Variants in ZNF536 observed in about 807,000 individuals in gnomAD.
ZNF536 encodes the protein zinc finger protein 536.
ZNF536 carries 13 observed loss-of-function variants against 84.5 expected under a neutral mutation model. The observed-to-expected ratio is 0.15, with a 90% CI of 0.10 to 0.24. ZNF536 has a LOEUF of 0.24. ZNF536 is among the 10% of genes least tolerant of loss of function. The probability of loss-of-function intolerance (pLI) is 1.00; values close to 1 mark genes in which losing one functional copy is unlikely to be tolerated. For synonymous variants in ZNF536, 811 were observed against 742.5 expected, an observed-to-expected ratio of 1.09 and a Z score of -1.50; for missense variants, 1,536 against 1,747.5, an observed-to-expected ratio of 0.88 and a Z score of 2.16.
chr19:30,340,893 T>C (rs1427255493), intron 2 of ZNF536, among the ~76,000 whole-genome samples: 1 of 152,120 alleles, frequency 6.6e-6, no homozygotes, highest in African/African-American at 2.4e-5. Context: ...ACAGGCATCG[T>C]GTGTGTGTTT....
chr19:30,232,175 G>A (rs1255670871), intron 1 of ZNF536, among the ~76,000 whole-genome samples: 1 of 152,164 alleles, frequency 6.6e-6, no homozygotes, highest in Non-Finnish European at 1.5e-5. Flanking sequence ...CCGGCCAGTT[G>A]ATGCCATCAA....
chr19:30,298,204 C>T (rs1389832637), intron 2 of ZNF536, among the ~76,000 whole-genome samples: 3 of 152,096 alleles, frequency 2.0e-5, no homozygotes, highest in Non-Finnish European at 4.4e-5. Context: ...GGAATCCCAC[C>T]GGGTCCTCTA....
rs547419662 is a variant in ZNF536 at position 30,564,011 on chromosome 19, G to A, written c.169+14497G>A. Among the ~76,000 whole-genome samples the A allele has an allele frequency of 2.0e-5, 3 of 152,304 alleles. No homozygotes were observed. The East Asian group carries it at 5.8e-4, about 29-fold the overall frequency. On this transcript the variant is annotated intron_variant, in intron 1 of 1. Coordinates refer to the ZNF536 transcript ENST00000592773. Reference sequence around the variant, plus strand: ...TGGGATGGGGGGACCAAGGGAGAGGGAGAGTGCCACAGAGGACCCAAGGGC... The same window carrying A: ...TGGGATGGGGGGACCAAGGGAGAGGAAGAGTGCCACAGAGGACCCAAGGGC...
At chr19:30,628,193 G>A (rs2147208866) in intron 1 of ZNF536, among the ~76,000 whole-genome samples, 1 of 152,338 alleles carries the variant, frequency 6.6e-6, no homozygotes, top group East Asian at 1.9e-4. Context: ...CTGTGGGCCA[G>A]GGCAACAGGG....
intron 1 of ZNF536, among the ~76,000 whole-genome samples, chr19:30,269,808 C>T (rs914357113): frequency 3.3e-5 from 5 of 152,142 alleles, no homozygotes; most frequent in African/African-American, 7.2e-5. Flanking sequence ...TCTGTGTGTG[C>T]GGCCTTCCCA....
intron 1 of ZNF536, among the ~76,000 whole-genome samples, chr19:30,678,640 C>T (rs1223302933): frequency 6.6e-6 from 1 of 152,168 alleles, no homozygotes; most frequent in African/African-American, 2.4e-5. Context: ...TGGCACTGGA[C>T]TCCTAGAGCC....
At chr19:30,473,619 C>A (rs1287290107) in intron 2 of ZNF536, among the ~76,000 whole-genome samples, 2 of 152,202 alleles carry the variant, frequency 1.3e-5, no homozygotes, top group Non-Finnish European at 2.9e-5. Flanking sequence ...TGCCTCCAGG[C>A]CTTTACACAT....
rs149337662 is a variant in ZNF536, at chr19:30,518,917, G to C, written c.2171-15930G>C. 2.5e-3 allele frequency among the ~76,000 whole-genome samples: 374 copies of C among 152,274 alleles called. 1 individual carries two copies. Among genetic ancestry groups the C allele is most frequent in the African/African-American group, 8.8e-3 (365 of 41,552 alleles). On this transcript the variant is annotated intron_variant, in intron 2 of 4. Transcript: ENST00000355537. The stretch of plus-strand genomic sequence containing the variant: ...GGAGAGCCTGGATTGCAGGCTGAGG[G>C]AAAGAAACATCCCGGGAGCAGCACG...
chr19:30,540,363 A>G (rs1031584785), intron 3 of ZNF536, among the ~76,000 whole-genome samples: 4 of 152,138 alleles, frequency 2.6e-5, no homozygotes, highest in Admixed American at 2.6e-4. Context: ...AGACCTGGAC[A>G]TTATCTTGCC....
chr19:30,706,286 C>A (rs2052223383), intron 1 of ZNF536, among the ~76,000 whole-genome samples: 1 of 152,030 alleles, frequency 6.6e-6, no homozygotes, highest in Non-Finnish European at 1.5e-5. Context: ...AGATTGAGAC[C>A]ATCCTGGCTA....
At chr19:30,233,039 A>G (rs1175910367) in intron 1 of ZNF536, among the ~76,000 whole-genome samples, 1 of 152,206 alleles carries the variant, frequency 6.6e-6, no homozygotes, top group Non-Finnish European at 1.5e-5. Flanking sequence ...GGGGAGACAG[A>G]CAAATCCCAG....
At chr19:30,363,330 C>A (rs543254635) in intron 3 of ZNF536, among the ~76,000 whole-genome samples, 1 of 152,166 alleles carries the variant, frequency 6.6e-6, no homozygotes, top group Non-Finnish European at 1.5e-5. Flanking sequence ...GCTGTTGTGA[C>A]CCCTTGAGTT....
intron 1 of ZNF536, among the ~76,000 whole-genome samples, chr19:30,270,221 C>T (rs1446122988): frequency 2.0e-5 from 3 of 152,092 alleles, no homozygotes; most frequent in South Asian, 2.1e-4. Flanking sequence ...AGGCATGTCC[C>T]GGGAGTGCAT....
chr19:30,614,986 G>A (rs1324285119), intron 1 of ZNF536, among the ~76,000 whole-genome samples: 1 of 54,996 alleles, frequency 1.8e-5, no homozygotes, highest in Non-Finnish European at 3.4e-5. Flanking sequence ...TCGCTCTGTC[G>A]CCCAGGCTGG....
downstream of ZNF536, among the ~76,000 whole-genome samples, chr19:30,561,361 G>A (rs2046158578): frequency 6.6e-6 from 1 of 152,128 alleles, no homozygotes; most frequent in Non-Finnish European, 1.5e-5. Context: ...GGTGCACAGT[G>A]GCCCCAGTGG....
intron 2 of ZNF536, chr19:30,284,231 TA>T (rs1412265597): frequency 6.6e-5 from 10 of 152,270 alleles, no homozygotes; most frequent in Admixed American, 6.5e-4. Flanking sequence ...TGCTGATCCC[TA>T]TGCAGAGCTA....
At chr19:30,351,876 CT>C (rs1054540866) in intron 2 of ZNF536, among the ~76,000 whole-genome samples, 19 of 152,224 alleles carry the variant, frequency 1.2e-4, no homozygotes, top group African/African-American at 4.6e-4. Flanking sequence ...AGGAAATCTT[CT>C]TGCTGGGTCT....
intron 1 of ZNF536, among the ~76,000 whole-genome samples, chr19:30,581,940 TAAAACAAAACA>T (rs1555804325): frequency 6.6e-6 from 1 of 151,904 alleles, no homozygotes; most frequent in Admixed American, 6.6e-5. Flanking sequence ...CTCCTCTGTG[TAAAACAAAACA>T]AAAACAAAAC....
Position 30,445,440 on chromosome 19 carries a change from G to A in ZNF536, c.1878G>A (p.Met626Ile). Reference sequence around the variant, plus strand: ...ATAACCTGCAGGGTCCTGGGAACATGAAGGAGAAGCCCACCGAGTGCCCCG... The same window carrying A: ...ATAACCTGCAGGGTCCTGGGAACATAAAGGAGAAGCCCACCGAGTGCCCCG... ...LEYNLQGPGN[M>I]KEKPTECPDC... is the part of the protein sequence containing the mutation. Residue 626 changes from methionine (M) to isoleucine (I), a missense_variant, in exon 2 of 5, where the codon ATG (methionine) becomes ATA (isoleucine). Around this residue, in one of 8 missense-constraint regions of ZNF536, gnomAD observed 366 missense variants for 364.4 expected, o/e 1.00. Coordinates refer to ENST00000355537, the MANE Select transcript of ZNF536 (RefSeq NM_014717.3). The surrounding 1 kb of genome is among the most constrained non-coding windows in gnomAD (Gnocchi z 4.5). The A allele has an allele frequency of 1.2e-6, 2 of 1,614,172 alleles. No individual in the cohort carries two copies. The highest frequency in any genetic ancestry group is 1.7e-6 in the Non-Finnish European group (2 of 1,180,030).
Sources: allele counts gnomAD v4.1 joint callset (sites outside exome capture counted in the v4.1 genomes callset), GRCh38; gene constraint gnomAD v4.1.1; regional missense constraint gnomAD v4.1.1; non-coding constraint Gnocchi (gnomAD v3.1); transcripts MANE v1.5; gene names NCBI Gene and HGNC (gene_info 2026-07-23, HGNC 2026-07-21).